Variants in SERF2 observed in about 807,000 individuals in gnomAD.
The protein encoded by SERF2 is small EDRK-rich factor 2.
In SERF2, 4 loss-of-function variants were observed where a neutral mutation model predicts 10.7. The ratio of observed to expected loss-of-function variants is 0.37; its 90% CI spans 0.18 to 0.86. SERF2 has a LOEUF of 0.86. SERF2 is among the 40% of genes least tolerant of loss of function. The pLI is 0.43. For synonymous variants in SERF2, 26 were observed against 26.0 expected (o/e 1.00, Z 0.01); for missense variants, 47 against 79.1 (o/e 0.59, Z 1.54).
chr15:43,794,366 T>G lies in SERF2; in HGVS notation c.*593T>G. ...GTGTTTATGCCTCTTTTCCTCATTC[T>G]TCCTCAGTTTGTTCGTCTGCTTGAA... On this transcript the variant is annotated 3_prime_UTR_variant, in exon 3 of 3. Coordinates refer to ENST00000249786, the MANE Select transcript of SERF2 (RefSeq NM_001018108.4). 1 of 174,382 alleles carries G rather than the reference T, an allele frequency of 5.7e-6. No individual in the cohort carries two copies. Among genetic ancestry groups the G allele is most frequent in the Non-Finnish European group, 1.2e-5 (1 of 82,094 alleles). 10.8% of individuals were successfully genotyped at this position (174,382 alleles called of 1,614,324 possible).
Position 43,794,709 on chromosome 15 carries a change from A to G in SERF2, c.*936A>G. ...CCACTTCCAGCCCAAGAGCCAGGAA[A>G]GGGCTGGTGCCACACTGTCTGCTGG... On this transcript the variant is annotated 3_prime_UTR_variant, in exon 3 of 3. Transcript: ENST00000249786. The G allele has an allele frequency of 3.1e-6, 1 of 317,734 alleles. No homozygotes were observed. 19.7% of individuals were successfully genotyped at this position (317,734 alleles called of 1,614,324 possible).
rs1258158682 is a variant in SERF2, at chr15:43,795,349, A to G, written c.*1576A>G. ...GAATTGCTCTTTCCTTAAAATAGCT[A>G]GCTCTTCAGGAGAGTATCTAAGGCC... On this transcript the variant is annotated 3_prime_UTR_variant, in exon 3 of 3. Coordinates refer to ENST00000249786, the MANE Select transcript of SERF2 (RefSeq NM_001018108.4). 6.2e-7 allele frequency: 1 copy of G among 1,610,430 alleles called. No individual in the cohort carries two copies. The highest frequency in any genetic ancestry group is 1.7e-5 in the Admixed American group (1 of 59,926).
chr15:43,778,431 C>T (rs573984042), intron 1 of SERF2, among the ~76,000 whole-genome samples: 52 of 151,654 alleles, frequency 3.4e-4, no homozygotes, highest in African/African-American at 1.2e-3. Context: ...GTCCCAGCTA[C>T]TCAGGAGGCT....
At chr15:43,783,590 C>T (rs796823241) in intron 1 of SERF2, among the ~76,000 whole-genome samples, 23 of 151,760 alleles carry the variant, frequency 1.5e-4, no homozygotes, top group African/African-American at 5.1e-4. Flanking sequence ...GCATGAGCCA[C>T]CAAGCCTGGC....
Position 43,778,858 on chromosome 15 carries a change from C to T in SERF2, c.-527+1356C>T, listed in dbSNP as rs1289023019. 6.6e-5 allele frequency among the ~76,000 whole-genome samples: 10 copies of T among 152,124 alleles called. No individual in the cohort carries two copies. The East Asian group carries it at 1.9e-3, about 29-fold the overall frequency. ...TGAATGTTGCAGTGAGCTGAGATCA[C>T]GCCACTCCACTCCAGCTTAGGCTGG... On this transcript the variant is annotated intron_variant, in intron 1 of 4. Transcript: ENST00000381359.
At position 43,793,869 on chromosome 15, in the gene SERF2, C is replaced by G; in HGVS notation, c.*96C>G. The G allele has an allele frequency of 6.2e-7, 1 of 1,611,408 alleles. No individual in the cohort carries two copies. Among genetic ancestry groups the G allele is most frequent in the Non-Finnish European group, 8.5e-7 (1 of 1,178,698 alleles). On this transcript the variant is annotated 3_prime_UTR_variant, in exon 3 of 3. Coordinates refer to ENST00000249786, the MANE Select transcript of SERF2 (RefSeq NM_001018108.4). ...TTTCCTCCTGTAGTGCTCACAGGTC[C>G]CAGCACCGATGGCATTCCCTTTGCC...
chr15:43,788,893 T>TAATC (rs1382748895), upstream of SERF2, among the ~76,000 whole-genome samples: 6 of 152,140 alleles, frequency 3.9e-5, no homozygotes, highest in East Asian at 1.2e-3. Context: ...CTCACGCCTG[T>TAATC]AATCCCAGCA....
intron 2 of SERF2, among the ~76,000 whole-genome samples, chr15:43,787,119 C>T (rs1190217696): frequency 6.6e-6 from 1 of 151,734 alleles, no homozygotes; most frequent in Non-Finnish European, 1.5e-5. Flanking sequence ...CCTGCCTCAG[C>T]CTCCCAGGTA....
At chr15:43,780,117 T>A (rs539292417) in intron 1 of SERF2, among the ~76,000 whole-genome samples, 1 of 152,270 alleles carries the variant, frequency 6.6e-6, no homozygotes, top group South Asian at 2.1e-4. Context: ...CCTGTGTTTT[T>A]TGCAAATTTA....
chr15:43,792,815 C>G lies in SERF2; in HGVS notation c.8-160C>G, dbSNP rs1320456966. The G allele has an allele frequency of 8.8e-6, 6 of 678,428 alleles. No homozygotes were observed. The East Asian group carries it at 1.4e-4, about 16-fold the overall frequency. The allele number at this position is 678,428 out of a possible 1,614,324, so 42.0% of individuals were successfully genotyped here. ...GACCTGGCCCGTGGCAGATTCGCCA[C>G]TCCCCCCTACCCCAAGCAGCCTGGG... On this transcript the variant is annotated intron_variant, in intron 1 of 2. Coordinates refer to ENST00000249786, the MANE Select transcript of SERF2 (RefSeq NM_001018108.4).
At chr15:43,780,815 C>G (rs2086958600) in intron 1 of SERF2, among the ~76,000 whole-genome samples, 1 of 152,156 alleles carries the variant, frequency 6.6e-6, no homozygotes, top group African/African-American at 2.4e-5. Context: ...CTTAATGATG[C>G]ACTGTGGCCA....
In SERF2 at chr15:43,795,322, T is replaced by C; in HGVS notation, c.*1549T>C. ...AGACCCATGTGTGTCTGGAATGGCCTTGAATTGCTCTTTCCTTAAAATAGC... is the reference window on the plus strand; with the variant it reads ...AGACCCATGTGTGTCTGGAATGGCCCTGAATTGCTCTTTCCTTAAAATAGC... On this transcript the variant is annotated 3_prime_UTR_variant, in exon 3 of 3. Transcript: ENST00000249786. 1 of 1,603,738 alleles carries C rather than the reference T, an allele frequency of 6.2e-7. No homozygotes were observed. Among genetic ancestry groups the C allele is most frequent in the Non-Finnish European group, 8.5e-7 (1 of 1,171,188 alleles).
chr15:43,795,879 G>C lies in SERF2; in HGVS notation c.*2106G>C. ...CAAATTCTAGCTCCAGCATATAAGTGGCTGTGCAGACTTTGGTAAGATGTT... is the reference window on the plus strand; with the variant it reads ...CAAATTCTAGCTCCAGCATATAAGTCGCTGTGCAGACTTTGGTAAGATGTT... On this transcript the variant is annotated 3_prime_UTR_variant, in exon 3 of 3. Coordinates refer to ENST00000249786, the MANE Select transcript of SERF2 (RefSeq NM_001018108.4). The C allele has an allele frequency of 6.3e-6, 5 of 787,634 alleles. No individual in the cohort carries two copies. The highest frequency in any genetic ancestry group is 1.0e-5 in the Non-Finnish European group (5 of 499,302). The allele number at this position is 787,634 out of a possible 1,614,324, so 48.8% of individuals were successfully genotyped here. A position where few individuals can be genotyped will look rare whatever the true frequency, so the allele number is the denominator to read the frequency against.
Position 43,794,908 on chromosome 15 carries a change from G to T in SERF2, c.*1135G>T. The T allele has an allele frequency of 2.1e-6, 2 of 944,402 alleles. No homozygotes were observed. Among genetic ancestry groups the T allele is most frequent in the Non-Finnish European group, 3.2e-6 (2 of 621,000 alleles). The allele number at this position is 944,402 out of a possible 1,614,324, so 58.5% of individuals were successfully genotyped here. On this transcript the variant is annotated 3_prime_UTR_variant, in exon 3 of 3. Coordinates refer to ENST00000249786, the MANE Select transcript of SERF2 (RefSeq NM_001018108.4). ...AGCCCAAACGGAGATAACTCCCTGT[G>T]TGTCCTTGAGGTATTGAGCTGGGCT...
upstream of SERF2, among the ~76,000 whole-genome samples, chr15:43,791,334 C>A (rs1354616614): frequency 6.6e-6 from 1 of 151,970 alleles, no homozygotes; most frequent in Non-Finnish European, 1.5e-5. Context: ...TTCCGCCTCC[C>A]GGGTTCAAGC....
chr15:43,792,638 A>C, intron 1 of SERF2: 1 of 1,405,934 alleles, frequency 7.1e-7, no homozygotes, highest in Non-Finnish European at 9.3e-7. Flanking sequence ...CGCCCCTGTG[A>C]TAGGCCCAGA....
At chr15:43,790,981 G>A (rs1342803477), upstream of SERF2, among the ~76,000 whole-genome samples, 1 of 150,884 alleles carries the variant, frequency 6.6e-6, no homozygotes, top group Non-Finnish European at 1.5e-5. Context: ...TGTTAGCCAG[G>A]ATGGTCTCGA....
At position 43,795,257 on chromosome 15, in the gene SERF2, G is replaced by T; in HGVS notation, c.*1484G>T. 6.2e-7 allele frequency: 1 copy of T among 1,603,806 alleles called. No homozygotes were observed. Among genetic ancestry groups the T allele is most frequent in the South Asian group, 1.1e-5 (1 of 90,826 alleles). ...TGGTTAGAGAATATGAAGGGCCTTA[G>T]CTTTTAGACCTGTTCTACCTCCTCA... is the stretch of plus-strand genomic sequence containing the variant. On this transcript the variant is annotated 3_prime_UTR_variant, in exon 3 of 3. Transcript: ENST00000249786.
At chr15:43,783,024 T>C in intron 1 of SERF2, among the ~76,000 whole-genome samples, 1 of 148,416 alleles carries the variant, frequency 6.7e-6, no homozygotes, top group Non-Finnish European at 1.5e-5. Flanking sequence ...TTTTTTTTTT[T>C]TTGAGACATA....
Sources: allele counts gnomAD v4.1 joint callset (sites outside exome capture counted in the v4.1 genomes callset), GRCh38; gene constraint gnomAD v4.1.1; transcripts MANE v1.5; gene names NCBI Gene and HGNC (gene_info 2026-07-23, HGNC 2026-07-21).